NFIA: variants seen among roughly 807,000 people sequenced by gnomAD.
NFIA encodes the protein nuclear factor I A.
Under a neutral mutation model 62.8 loss-of-function variants are expected in NFIA, and 8 were observed. The ratio of observed to expected loss-of-function variants is 0.13; its 90% CI spans 0.07 to 0.23. The LOEUF is 0.23. Among genes scored for constraint, NFIA ranks in the 10% least tolerant of loss-of-function variants. The pLI is 1.00. For missense variants in NFIA, 410 were observed against 642.1 expected (o/e 0.64, Z 3.91); for synonymous variants, 235 against 238.1 (o/e 0.99, Z 0.12).
At chr1:61,172,068 G>T (rs547938629) in intron 2 of NFIA, among the ~76,000 whole-genome samples, 42 of 152,126 alleles carry the variant, frequency 2.8e-4, no homozygotes, top group African/African-American at 9.4e-4. Context: ...TAGAAATTAC[G>T]GTTGGGTTCT....
intron 2 of NFIA, among the ~76,000 whole-genome samples, chr1:61,123,615 A>T (rs1266095207): frequency 6.6e-6 from 1 of 152,212 alleles, no homozygotes; most frequent in Non-Finnish European, 1.5e-5. Flanking sequence ...AAGGCTCCAT[A>T]TTCTAGATGA....
intron 6 of NFIA, among the ~76,000 whole-genome samples, chr1:61,372,836 G>T (rs1365565074): frequency 6.6e-6 from 1 of 151,992 alleles, no homozygotes; most frequent in Non-Finnish European, 1.5e-5. Context: ...GGATCTTTTG[G>T]CTCATCTACC....
chr1:61,271,959 T>A (rs995774495), intron 2 of NFIA, among the ~76,000 whole-genome samples: 1 of 152,264 alleles, frequency 6.6e-6, no homozygotes, highest in African/African-American at 2.4e-5. Flanking sequence ...ATCTTTTATC[T>A]GTTTTAGGAA....
intron 6 of NFIA, among the ~76,000 whole-genome samples, chr1:61,382,639 A>G (rs1389047816): frequency 6.6e-6 from 1 of 152,346 alleles, no homozygotes; most frequent in African/African-American, 2.4e-5. Flanking sequence ...ACTCTTTTAC[A>G]GTATTGCTTA....
At chr1:61,229,011 A>T (rs1305338263) in intron 2 of NFIA, among the ~76,000 whole-genome samples, 1 of 152,162 alleles carries the variant, frequency 6.6e-6, no homozygotes, top group African/African-American at 2.4e-5. Flanking sequence ...CCCATTAATA[A>T]AAAAGAATGC....
chr1:61,240,663 AATTT>A, intron 2 of NFIA, among the ~76,000 whole-genome samples: 1 of 152,074 alleles, frequency 6.6e-6, no homozygotes, highest in African/African-American at 2.4e-5. Context: ...ACTAGATTGT[AATTT>A]TCTTTTTTCA....
At chr1:61,392,398 G>T (rs187774451) in intron 7 of NFIA, among the ~76,000 whole-genome samples, 173 of 152,080 alleles carry the variant, frequency 1.1e-3, no homozygotes, top group African/African-American at 3.8e-3. Flanking sequence ...TACCTTTATT[G>T]TATTGTAAAG....
chr1:61,169,543 T>TA (rs1261429620), intron 2 of NFIA, among the ~76,000 whole-genome samples: 1 of 152,206 alleles, frequency 6.6e-6, no homozygotes, highest in Non-Finnish European at 1.5e-5. Context: ...GCAATTACCT[T>TA]ACCTACTTTT....
At chr1:61,220,636 G>C (rs562979670) in intron 2 of NFIA, among the ~76,000 whole-genome samples, 2 of 152,140 alleles carry the variant, frequency 1.3e-5, no homozygotes, top group Non-Finnish European at 2.9e-5. Flanking sequence ...TGGGAACAGT[G>C]GCTTTTATGT....
intron 2 of NFIA, among the ~76,000 whole-genome samples, chr1:61,222,632 C>T (rs1654090064): frequency 6.6e-6 from 1 of 151,994 alleles, no homozygotes; most frequent in South Asian, 2.1e-4. Flanking sequence ...TGGTAAAAAG[C>T]TAGATTCTGT....
intron 2 of NFIA, among the ~76,000 whole-genome samples, chr1:61,153,818 C>T (rs1648595157): frequency 6.6e-6 from 1 of 152,224 alleles, no homozygotes. Flanking sequence ...TATCCACATG[C>T]AGTTCATGTC....
intron 2 of NFIA, among the ~76,000 whole-genome samples, chr1:61,091,553 T>A (rs1013177925): frequency 6.6e-6 from 1 of 152,218 alleles, no homozygotes; most frequent in Non-Finnish European, 1.5e-5. Flanking sequence ...AACCATTTTA[T>A]GCCCTTAATT....
At chr1:61,183,994 C>A (rs909874007) in intron 2 of NFIA, among the ~76,000 whole-genome samples, 1 of 151,894 alleles carries the variant, frequency 6.6e-6, no homozygotes, top group African/African-American at 2.4e-5. Context: ...TTAATATTTT[C>A]CCTGGAACAT....
intron 3 of NFIA, among the ~76,000 whole-genome samples, chr1:61,318,649 A>G (rs1434546705): frequency 6.6e-6 from 1 of 152,202 alleles, no homozygotes; most frequent in Non-Finnish European, 1.5e-5. Flanking sequence ...TGAAACAGCA[A>G]ATGGATTTGG....
At chr1:61,095,437 C>G (rs898473504) in intron 2 of NFIA, among the ~76,000 whole-genome samples, 9 of 152,174 alleles carry the variant, frequency 5.9e-5, no homozygotes, top group Non-Finnish European at 8.8e-5. Context: ...GATTTCAAAT[C>G]TTATGCTCTT....
chr1:61,438,974 C>G (rs1405432056), intron 10 of NFIA, among the ~76,000 whole-genome samples: 1 of 149,482 alleles, frequency 6.7e-6, no homozygotes, highest in Admixed American at 6.8e-5. Flanking sequence ...GCTTCGTTTT[C>G]TGTCCATTCC....
At chr1:61,296,080 T>A (rs1449811037) in intron 3 of NFIA, among the ~76,000 whole-genome samples, 1 of 152,254 alleles carries the variant, frequency 6.6e-6, no homozygotes, top group African/African-American at 2.4e-5. Flanking sequence ...TACCGTGGTA[T>A]CACTTTCACC....
intron 2 of NFIA, among the ~76,000 whole-genome samples, chr1:61,140,975 T>G (rs946972310): frequency 3.4e-5 from 5 of 148,578 alleles, no homozygotes; most frequent in Middle Eastern, 3.4e-3. Context: ...GTTTTTTTTT[T>G]TTTTTTTTTT....
intron 5 of NFIA, among the ~76,000 whole-genome samples, chr1:61,357,712 C>T (rs1382628627): frequency 1.3e-5 from 2 of 152,174 alleles, no homozygotes; most frequent in Admixed American, 1.3e-4. Context: ...TCTGACTCAT[C>T]TCTATATCCC....
Sources: allele counts gnomAD v4.1 joint callset (sites outside exome capture counted in the v4.1 genomes callset), GRCh38; gene constraint gnomAD v4.1.1; transcripts MANE v1.5; gene names NCBI Gene and HGNC (gene_info 2026-07-23, HGNC 2026-07-21).